The following PLIN5 variants were observed in gnomAD, a reference collection of about 807,000 sequenced individuals.
The protein encoded by PLIN5 is perilipin-5.
In PLIN5, 34 loss-of-function variants were observed where a neutral mutation model predicts 32.8. The ratio of observed to expected loss-of-function variants is 1.04; its 90% CI spans 0.79 to 1.38. The LOEUF (loss-of-function observed/expected upper bound fraction) is 1.38. Among genes scored for constraint, PLIN5 ranks in the 40% most tolerant of loss-of-function variants. The pLI is 0.00. For missense variants in PLIN5, 712 were observed against 660.5 expected (o/e 1.08, Z -0.85); for synonymous variants, 309 against 292.9 (o/e 1.05, Z -0.56).
rs56850019 is a variant in PLIN5 at position 4,529,610 on chromosome 19, TACACACAC to T, written c.339+166_339+173del. ...CACTATACGTATATACATATATGTA[TACACACAC>T]ACACACACACACACACACACACACA... On this transcript the variant is annotated intron_variant, in intron 4 of 7. Transcript: ENST00000381848. 1,461 of 432,210 alleles carry T rather than the reference TACACACAC, an allele frequency of 3.4e-3. 6 individuals are homozygous for T. The highest frequency in any genetic ancestry group is 0.011 in the East Asian group (302 of 27,914). 26.8% of individuals were successfully genotyped at this position (432,210 alleles called of 1,614,324 possible).
At chr19:4,534,433 C>T (rs1976923600) in intron 1 of PLIN5, among the ~76,000 whole-genome samples, 1 of 152,158 alleles carries the variant, frequency 6.6e-6, no homozygotes, top group Non-Finnish European at 1.5e-5. Context: ...AGAGCAGTGG[C>T]GCCATCCCAG....
chr19:4,525,011 C>A lies in PLIN5; in HGVS notation c.786G>T (p.Leu262=). 1 of 1,515,148 alleles carries A rather than the reference C, an allele frequency of 6.6e-7. No homozygotes were observed. The allele number at this position is 1,515,148 out of a possible 1,614,324, so 93.9% of individuals were successfully genotyped here. The change falls in exon 7 of 8, where the codon CTG becomes CTT. Residue 262 remains leucine (L), a synonymous_variant. Coordinates refer to ENST00000381848, the MANE Select transcript of PLIN5 (RefSeq NM_001013706.3). This position sits in a 1 kb window ranked among gnomAD's most constrained non-coding sequence, Gnocchi z 5.6. ...APACPGKVHE[L]WGEWGQRPPE... Reference sequence around the variant, plus strand: ...GAGGGCGCTGGCCCCATTCCCCCCACAGCTCGTGCACCTTCCCAGGGCAGG... The same window carrying A: ...GAGGGCGCTGGCCCCATTCCCCCCAAAGCTCGTGCACCTTCCCAGGGCAGG...
chr19:4,529,018 A>C, intron 5 of PLIN5, 55 bp downstream of exon 5: 28 of 1,564,278 alleles, frequency 1.8e-5, no homozygotes, highest in Non-Finnish European at 2.4e-5. Context: ...TCTGTACCAC[A>C]GGGGATGGGG....
At chr19:4,529,499 T>C (rs763014680) in intron 4 of PLIN5, 3 of 535,360 alleles carry the variant, frequency 5.6e-6, no homozygotes, top group Admixed American at 3.4e-5. Context: ...TACACACATA[T>C]ACATATATAC....
chr19:4,530,968 G>C (rs865947137), intron 3 of PLIN5, among the ~76,000 whole-genome samples: 1 of 147,330 alleles, frequency 6.8e-6, no homozygotes, highest in Admixed American at 6.8e-5. Flanking sequence ...ATGAGCCACC[G>C]CACCTATCAG....
intron 7 of PLIN5, 39 bp from the exon 8 acceptor site, chr19:4,524,124 C>T: frequency 7.2e-7 from 1 of 1,388,708 alleles, no homozygotes; most frequent in Non-Finnish European, 9.3e-7. Flanking sequence ...CTATGGACGC[C>T]CAGGAGGACT....
intron 7 of PLIN5, among the ~76,000 whole-genome samples, chr19:4,524,564 A>G (rs1002591210): frequency 2.0e-5 from 3 of 152,030 alleles, no homozygotes; most frequent in African/African-American, 4.8e-5. Context: ...ATAAATAAAT[A>G]TAAATAAAGT....
In PLIN5 at chr19:4,525,205, G is replaced by A. The variant is rs11670485; in HGVS notation, c.721-129C>T. 34,108 of 606,712 alleles carry A rather than the reference G, an allele frequency of 0.056. 1,206 individuals carry two copies. The highest frequency in any genetic ancestry group is 0.072 in the Middle Eastern group (158 of 2,190). 37.6% of individuals were successfully genotyped at this position (606,712 alleles called of 1,614,324 possible). On this transcript the variant is annotated intron_variant, in intron 6 of 7. Transcript: ENST00000381848. This position sits in a 1 kb window ranked among gnomAD's most constrained non-coding sequence, Gnocchi z 5.6. The stretch of plus-strand genomic sequence containing the variant: ...AGACCGAGGCAGGTTGTGCAGGGCC[G>A]TGGGGAAGACTTGGGCTTGGACCCC...
Position 4,526,857 on chromosome 19 carries a change from C to CAAAAAAAAAAAAAAAAAAAAA in PLIN5, c.521-1026_521-1025insTTTTTTTTTTTTTTTTTTTTT, listed in dbSNP as rs141886356. ...TGGGCAACAGAGCAAGACTCCATCT[C>CAAAAAAAAAAAAAAAAAAAAA]AAAAAAAAATTAAAATTAAAAAAAT... On this transcript the variant is annotated intron_variant, in intron 5 of 7. Transcript: ENST00000381848. Among the ~76,000 whole-genome samples the CAAAAAAAAAAAAAAAAAAAAA allele has an allele frequency of 9.2e-4, 128 of 138,672 alleles. 2 individuals carry two copies. Among genetic ancestry groups the CAAAAAAAAAAAAAAAAAAAAA allele is most frequent in the African/African-American group, 3.6e-3 (124 of 34,612 alleles). 91.0% of individuals were successfully genotyped at this position (138,672 alleles called of 152,430 possible).
At chr19:4,532,895 C>T (rs1181918471) in intron 2 of PLIN5, 1 of 152,238 alleles carries the variant, frequency 6.6e-6, no homozygotes, top group East Asian at 1.9e-4. Context: ...TCTTGAACTC[C>T]TGGCTCAAGC....
At chr19:4,526,708 C>G (rs1976807715) in intron 5 of PLIN5, among the ~76,000 whole-genome samples, 2 of 151,890 alleles carry the variant, frequency 1.3e-5, no homozygotes, top group Non-Finnish European at 2.9e-5. Flanking sequence ...AGAAATTAGC[C>G]AGGGCTGGGC....
intron 3 of PLIN5, among the ~76,000 whole-genome samples, chr19:4,530,929 C>T (rs1316999240): frequency 4.6e-5 from 7 of 152,118 alleles, no homozygotes; most frequent in Admixed American, 1.3e-4. Context: ...CTGCCTGCCT[C>T]GGACTCCTAA....
Position 4,525,768 on chromosome 19 carries a change from C to T in PLIN5, c.585G>A (p.Gln195=). The change falls in exon 6 of 8, where the codon CAG becomes CAA. Residue 195 remains glutamine, a synonymous_variant. Coordinates refer to ENST00000381848, the MANE Select transcript of PLIN5 (RefSeq NM_001013706.3). This position sits in a 1 kb window ranked among gnomAD's most constrained non-coding sequence, Gnocchi z 5.6. The part of the protein sequence containing the change: ...VGSVEDQRRQ[Q]GYFVRLGSLS... ...GGGAGCCGAGGCGCACAAAGTAGCC[C>T]TGCTGTCTCCTCTGATCCTCCACCG... is the stretch of plus-strand genomic sequence containing the variant. 6.2e-7 allele frequency: 1 copy of T among 1,613,508 alleles called. No homozygotes were observed. The highest frequency in any genetic ancestry group is 1.1e-5 in the South Asian group (1 of 91,080).
At chr19:4,528,906 G>A in intron 5 of PLIN5, 167 bp downstream of exon 5, 1 of 675,436 alleles carries the variant, frequency 1.5e-6, no homozygotes, top group South Asian at 2.4e-5. Context: ...TGCAGGTTGA[G>A]GGGCCGTGGA....
rs189306374 is a variant in PLIN5, at chr19:4,529,065, G to T, written c.520+8C>A. 4.3e-6 allele frequency: 7 copies of T among 1,611,310 alleles called. No homozygotes were observed. The African/African-American group carries it at 9.3e-5, about 22-fold the overall frequency. On this transcript the variant is annotated splice_region_variant and intron_variant, in intron 5 of 7. Transcript: ENST00000381848. ...CTCAGGGGTTAGGGTTGAGGGTGTC[G>T]TCCTCACCGAGCTCTTCCTCCGTCA...
At position 4,531,666 on chromosome 19, in the gene PLIN5, C is replaced by T; in HGVS notation, c.217G>A (p.Asp73Asn). The T allele has an allele frequency of 6.5e-7, 1 of 1,541,324 alleles. No homozygotes were observed. The highest frequency in any genetic ancestry group is 8.7e-7 in the Non-Finnish European group (1 of 1,147,116). ...TGCTCGAGCAGCGGCTGGGCGTGGTCCAGGGCACGGGTGGTCAGGCCGCAC... is the reference window on the plus strand; with the variant it reads ...TGCTCGAGCAGCGGCTGGGCGTGGTTCAGGGCACGGGTGGTCAGGCCGCAC... ...CVCGLTTRAL[D>N]HAQPLLEHLQ... is the part of the protein sequence containing the mutation. The change falls in exon 3 of 8, where the codon GAC becomes AAC. Residue 73 changes from aspartate (D) to asparagine (N), a missense_variant. Physicochemically the swap from Asp to Asn is conservative, Grantham distance 23. Transcript: ENST00000381848.
chr19:4,529,593 G>GTA (rs780187124), intron 4 of PLIN5, 191 bp downstream of exon 4: 57 of 456,858 alleles, frequency 1.2e-4, no homozygotes, highest in Non-Finnish European at 1.8e-4. Context: ...TACACTATAC[G>GTA]TATATACATA....
rs771490037 is a variant in PLIN5, at chr19:4,525,064, G to A, written c.733C>T (p.Gln245Ter). ...GGGGCGGTGGGGGTCACCCCACACTGCATGTGGTCTATCTGCAAGGACAGA... is the reference window on the plus strand; with the variant it reads ...GGGGCGGTGGGGGTCACCCCACACTACATGTGGTCTATCTGCAAGGACAGA... ...QETLELIDHM[Q>*]CGVTPTAPAC... Residue 245 changes from glutamine (Q) to a stop codon, truncating the protein, a stop_gained, in exon 7 of 8, where the codon CAG (glutamine) becomes TAG (stop). Coordinates refer to ENST00000381848, the MANE Select transcript of PLIN5 (RefSeq NM_001013706.3). LOFTEE classifies it high-confidence loss of function. This position sits in a 1 kb window ranked among gnomAD's most constrained non-coding sequence, Gnocchi z 5.6. 6.3e-6 allele frequency: 9 copies of A among 1,418,740 alleles called. No homozygotes were observed. In the Admixed American group the frequency reaches 2.5e-4, roughly 40 times the overall value. The allele number at this position is 1,418,740 out of a possible 1,614,324, so 87.9% of individuals were successfully genotyped here.
At chr19:4,530,099 G>A (rs576365794) in intron 3 of PLIN5, among the ~76,000 whole-genome samples, 1 of 152,282 alleles carries the variant, frequency 6.6e-6, no homozygotes, top group Admixed American at 6.5e-5. Flanking sequence ...AAAGACGCTG[G>A]GGCAGACACC....
Sources: allele counts gnomAD v4.1 joint callset (sites outside exome capture counted in the v4.1 genomes callset), GRCh38; gene constraint gnomAD v4.1.1; non-coding constraint Gnocchi (gnomAD v3.1); transcripts MANE v1.5; gene names NCBI Gene and HGNC (gene_info 2026-07-23, HGNC 2026-07-21).